Variants in PEMT observed in about 807,000 individuals in gnomAD.
The protein encoded by PEMT is phosphatidylethanolamine N-methyltransferase, also known as phospholipid methyltransferase.
A neutral mutation model predicts 27.4 loss-of-function variants in PEMT; 23 were observed. The observed-to-expected ratio is 0.84, with a 90% CI of 0.60 to 1.19. The LOEUF (loss-of-function observed/expected upper bound fraction) is 1.19. Among genes scored for constraint, PEMT ranks in the 50% most tolerant of loss-of-function variants. PEMT has a pLI of 0.00. For missense variants in PEMT, 307 were observed against 310.1 expected, an observed-to-expected ratio of 0.99 and a Z score of 0.07; for synonymous variants, 137 against 139.1, an observed-to-expected ratio of 0.98 and a Z score of 0.11.
rs1032578714 is a variant in PEMT at position 17,577,758 on chromosome 17, C to T, written c.97-731G>A. Among the ~76,000 whole-genome samples, 20 of 152,212 alleles carry T rather than the reference C, an allele frequency of 1.3e-4. 1 individual carries two copies. Among genetic ancestry groups the T allele is most frequent in the Admixed American group, 1.2e-3 (19 of 15,302 alleles). ...GTCGGCCGGGCGCGGTGGCTCATGC[C>T]TGTAATCCCAGCACTTTGGGAGGCC... is the stretch of plus-strand genomic sequence containing the variant. On this transcript the variant is annotated intron_variant, in intron 1 of 6. Coordinates refer to ENST00000255389, the MANE Select transcript of PEMT (RefSeq NM_148172.3).
chr17:17,519,885 C>A (rs1907136204), intron 3 of PEMT, among the ~76,000 whole-genome samples: 1 of 152,208 alleles, frequency 6.6e-6, no homozygotes, highest in Non-Finnish European at 1.5e-5. Flanking sequence ...GTGGCGCTGG[C>A]CGGTGTTTCT....
intron 2 of PEMT, among the ~76,000 whole-genome samples, chr17:17,562,626 T>G (rs1379709556): frequency 6.6e-6 from 1 of 152,160 alleles, no homozygotes; most frequent in African/African-American, 2.4e-5. Context: ...CTGGCCAACA[T>G]GGTGAAACCT....
intron 2 of PEMT, among the ~76,000 whole-genome samples, chr17:17,570,007 C>T (rs1300717180): frequency 6.6e-6 from 1 of 152,204 alleles, no homozygotes; most frequent in Non-Finnish European, 1.5e-5. Context: ...TCGGGGTGTG[C>T]ATAGAACCTG....
chr17:17,585,975 C>G (rs1293779784), intron 1 of PEMT, among the ~76,000 whole-genome samples: 3 of 150,482 alleles, frequency 2.0e-5, no homozygotes, highest in Non-Finnish European at 4.4e-5. Flanking sequence ...CCCAGCTACT[C>G]GGGAGGCTGA....
chr17:17,583,220 T>C (rs913151099), intron 1 of PEMT, among the ~76,000 whole-genome samples: 6 of 150,808 alleles, frequency 4.0e-5, no homozygotes, highest in Non-Finnish European at 5.9e-5. Context: ...CTACTAAAAA[T>C]ACAAAAATAG....
intron 2 of PEMT, among the ~76,000 whole-genome samples, chr17:17,526,733 T>TAG (rs1485133519): frequency 2.6e-5 from 4 of 152,250 alleles, no homozygotes; most frequent in African/African-American, 9.6e-5. Context: ...ATTCTTGGTG[T>TAG]CCTTGGACTC....
At chr17:17,591,876 C>G (rs1567765645), upstream of PEMT, 1 of 985,390 alleles carries the variant, frequency 1.0e-6, no homozygotes, top group Non-Finnish European at 1.2e-6. Flanking sequence ...CCTGCCGGTT[C>G]CGCTGCAGCT....
chr17:17,572,530 G>A (rs1256790742), intron 2 of PEMT, among the ~76,000 whole-genome samples: 2 of 152,182 alleles, frequency 1.3e-5, no homozygotes, highest in African/African-American at 4.8e-5. Flanking sequence ...CCAGACACCT[G>A]AGGGCCCTCC....
intron 5 of PEMT, among the ~76,000 whole-genome samples, chr17:17,509,167 T>A (rs1043485125): frequency 6.6e-6 from 1 of 152,278 alleles, no homozygotes; most frequent in Non-Finnish European, 1.5e-5. Context: ...GGACCAGGGC[T>A]GAGCAGCTGT....
At chr17:17,522,829 C>T (rs1336692256) in intron 2 of PEMT, among the ~76,000 whole-genome samples, 7 of 152,316 alleles carry the variant, frequency 4.6e-5, no homozygotes, top group South Asian at 2.1e-4. Context: ...CAGGAGCACG[C>T]GGCCTTCAGA....
chr17:17,516,786 T>G (rs888157808), intron 3 of PEMT, among the ~76,000 whole-genome samples: 1 of 152,094 alleles, frequency 6.6e-6, no homozygotes, highest in Non-Finnish European at 1.5e-5. Context: ...TCCCAGCAGC[T>G]GGGGGCCCTT....
chr17:17,583,480 A>T lies in PEMT; in HGVS notation c.97-6453T>A, dbSNP rs55673141. ...CAGCCCCCTAACCCTGTTTTTCCAC[A>T]TAAGAGGCCACCTGGCTCAGAGGAC... On this transcript the variant is annotated intron_variant, in intron 1 of 6. Coordinates refer to ENST00000255389, the MANE Select transcript of PEMT (RefSeq NM_148172.3). Among the ~76,000 whole-genome samples the T allele has an allele frequency of 6.3e-3, 955 of 152,330 alleles. 11 individuals carry two copies. Among genetic ancestry groups the T allele is most frequent in the African/African-American group, 0.021 (872 of 41,578 alleles).
chr17:17,577,744 G>A (rs1220280889), intron 1 of PEMT, among the ~76,000 whole-genome samples: 3 of 151,926 alleles, frequency 2.0e-5, no homozygotes, highest in Admixed American at 2.0e-4. Context: ...TCGGCCGGGC[G>A]CGGTGGCTCA....
intron 1 of PEMT, among the ~76,000 whole-genome samples, chr17:17,584,841 T>C (rs556446821): frequency 3.0e-4 from 45 of 152,314 alleles, no homozygotes; most frequent in South Asian, 1.7e-3. Flanking sequence ...CCATCTCCCC[T>C]CGCTGAGCAC....
At chr17:17,583,269 G>A (rs937174808) in intron 1 of PEMT, among the ~76,000 whole-genome samples, 1 of 151,924 alleles carries the variant, frequency 6.6e-6, no homozygotes, top group Non-Finnish European at 1.5e-5. Context: ...CCAGCTACTG[G>A]AGAGGCTGAA....
At chr17:17,537,298 C>T (rs1454046983) in intron 2 of PEMT, among the ~76,000 whole-genome samples, 4 of 152,182 alleles carry the variant, frequency 2.6e-5, no homozygotes, top group African/African-American at 7.2e-5. Context: ...TGCTCCTGGG[C>T]CTGGCCCCCT....
chr17:17,509,541 A>C lies in PEMT; in HGVS notation c.471T>G (p.Asp157Glu), dbSNP rs527440904. 1 of 1,609,344 alleles carries C rather than the reference A, an allele frequency of 6.2e-7. No individual in the cohort carries two copies. The highest frequency in any genetic ancestry group is 1.3e-5 in the African/African-American group (1 of 74,950). The stretch of plus-strand genomic sequence containing the variant: ...TCGCCTCCTTGAGGATCCCGAAGTA[A>C]TCACCTGTGGATGAGGCAAGGCAGG... ...ALGFAGTFLG[D>E]YFGILKEARV... The change falls in exon 5 of 7, where the codon GAT becomes GAG. Residue 157 changes from aspartate (D) to glutamate (E), a missense_variant. Asp to Glu is a conservative substitution (Grantham distance 45). Coordinates refer to ENST00000255389, the MANE Select transcript of PEMT (RefSeq NM_148172.3).
At chr17:17,514,549 C>T (rs916199773) in intron 3 of PEMT, among the ~76,000 whole-genome samples, 17 of 152,236 alleles carry the variant, frequency 1.1e-4, no homozygotes, top group African/African-American at 3.6e-4. Flanking sequence ...AACCCACTGC[C>T]GGTCATGCTG....
chr17:17,568,832 TC>T (rs1213853235), intron 2 of PEMT, among the ~76,000 whole-genome samples: 2 of 151,992 alleles, frequency 1.3e-5, no homozygotes, highest in Non-Finnish European at 2.9e-5. Context: ...TTCTTCCTTC[TC>T]CTCCTCCTCC....
Sources: allele counts gnomAD v4.1 joint callset (sites outside exome capture counted in the v4.1 genomes callset), GRCh38; gene constraint gnomAD v4.1.1; transcripts MANE v1.5; gene names NCBI Gene and HGNC (gene_info 2026-07-23, HGNC 2026-07-21).